The following ANO1 variants were observed in gnomAD, a reference collection of about 807,000 sequenced individuals.
The protein encoded by ANO1 is anoctamin-1.
A neutral mutation model predicts 124.0 loss-of-function variants in ANO1; 59 were observed. The observed-to-expected ratio is 0.48, with a 90% CI of 0.39 to 0.59. The LOEUF (loss-of-function observed/expected upper bound fraction) is 0.59, where lower values mean the gene tolerates loss of function less well. Among genes scored for constraint, ANO1 ranks in the 20% least tolerant of loss-of-function variants. The pLI, the probability that ANO1 is intolerant of heterozygous loss-of-function variation, is 0.00. For synonymous variants in ANO1, 529 were observed against 532.0 expected, an observed-to-expected ratio of 0.99 and a Z score of 0.08; for missense variants, 1,059 against 1,328.0, an observed-to-expected ratio of 0.80 and a Z score of 3.15.
intron 1 of ANO1, among the ~76,000 whole-genome samples, chr11:70,004,967 G>T (rs1198233632): frequency 6.6e-6 from 1 of 152,130 alleles, no homozygotes; most frequent in African/African-American, 2.4e-5. Flanking sequence ...ACAAAAATTA[G>T]CCAGGTGTGG....
At chr11:70,131,203 T>C (rs1565231941) in intron 10 of ANO1, among the ~76,000 whole-genome samples, 2 of 152,192 alleles carry the variant, frequency 1.3e-5, no homozygotes, top group South Asian at 2.1e-4. Flanking sequence ...AGGGCCCATC[T>C]ACCACAAAGC....
chr11:69,992,075 T>C (rs1554997598), intron 1 of ANO1, among the ~76,000 whole-genome samples: 1 of 152,170 alleles, frequency 6.6e-6, no homozygotes, highest in African/African-American at 2.4e-5. Flanking sequence ...CTCGTTCATT[T>C]CTCTAGCCCT....
At position 70,187,889 on chromosome 11, in the gene ANO1, T is replaced by C; in HGVS notation, c.2846T>C (p.Met949Thr). ...QDKQQLLETW[M>T]EKERQKDEPP... The stretch of plus-strand genomic sequence containing the variant: ...AAGCAGCAGCTGCTGGAAACCTGGA[T>C]GGAGAAGGAGCGGCAGAAGGACGAG... Residue 949 changes from methionine to threonine, a missense_variant, in exon 26 of 26, where the codon ATG becomes ACG. Met to Thr is a moderately conservative substitution (Grantham distance 81, BLOSUM62 -1). This residue lies in a region of ANO1 where 809 missense variants were observed against 1,094.9 expected (regional missense o/e 0.74). Transcript: ENST00000355303. The C allele has an allele frequency of 6.2e-7, 1 of 1,602,614 alleles. No homozygotes were observed. The highest frequency in any genetic ancestry group is 8.5e-7 in the Non-Finnish European group (1 of 1,175,162).
At chr11:70,043,508 G>A (rs1857212274) in intron 1 of ANO1, among the ~76,000 whole-genome samples, 1 of 152,048 alleles carries the variant, frequency 6.6e-6, no homozygotes, top group Non-Finnish European at 1.5e-5. Context: ...GAAGAAACAT[G>A]AAGAAAACAC....
intron 1 of ANO1, among the ~76,000 whole-genome samples, chr11:70,033,258 C>A (rs1555004010): frequency 6.6e-6 from 1 of 152,148 alleles, no homozygotes; most frequent in Non-Finnish European, 1.5e-5. Context: ...GAAATGAAGT[C>A]ATTTTCCCAA....
chr11:70,066,748 C>T (rs1158855677), intron 1 of ANO1, among the ~76,000 whole-genome samples: 8 of 152,124 alleles, frequency 5.3e-5, no homozygotes, highest in African/African-American at 1.9e-4. Context: ...CCAGCTCCAT[C>T]ACCGTAACTC....
intron 11 of ANO1, 60 bp from the exon 12 acceptor site, chr11:70,149,650 A>G (rs1167420654): frequency 3.3e-5 from 6 of 180,106 alleles, no homozygotes; most frequent in South Asian, 2.7e-4. Context: ...AACTCTGTCT[A>G]AAAAAAAAAA....
chr11:70,186,351 G>A (rs1565291189), intron 25 of ANO1, among the ~76,000 whole-genome samples: 1 of 140,304 alleles, frequency 7.1e-6, no homozygotes. Flanking sequence ...GGAGGGGGAG[G>A]GAGGAAGGAA....
At position 70,187,933 on chromosome 11, in the gene ANO1, A is replaced by AAC; in HGVS notation, c.2893_2894dup (p.Lys966ProfsTer36). ...GGACGAGCCGCCGTGCAACCACCAC[A>AAC]ACACCAAAGCCTGCCCAGACAGCCT... On this transcript the variant is annotated frameshift_variant, in exon 26 of 26. Coordinates refer to ENST00000355303, the MANE Select transcript of ANO1 (RefSeq NM_018043.7). LOFTEE classifies it low-confidence loss of function (END_TRUNC). 1 of 1,584,064 alleles carries AAC rather than the reference A, an allele frequency of 6.3e-7. No homozygotes were observed. Among genetic ancestry groups the AAC allele is most frequent in the Non-Finnish European group, 8.6e-7 (1 of 1,166,120 alleles).
upstream of ANO1, chr11:70,078,313 G>C (rs1028926063): frequency 1.3e-5 from 2 of 151,390 alleles, no homozygotes; most frequent in Non-Finnish European, 3.0e-5. Flanking sequence ...AAGGCGGGCC[G>C]GCTGGCGTCC....
upstream of ANO1, among the ~76,000 whole-genome samples, chr11:70,077,239 G>A (rs183385978): frequency 2.8e-3 from 424 of 152,332 alleles, no homozygotes; most frequent in Non-Finnish European, 4.5e-3. Flanking sequence ...AAATGAGACG[G>A]AATAAATGAA....
rs1428484542 is a variant in ANO1 at position 70,103,263 on chromosome 11, AT to A, written c.540+100del. 6.2e-6 allele frequency: 6 copies of A among 968,502 alleles called. No individual in the cohort carries two copies. In the East Asian group the frequency reaches 1.6e-4, roughly 26 times the overall value. The allele number at this position is 968,502 out of a possible 1,614,324, so 60.0% of individuals were successfully genotyped here. On this transcript the variant is annotated intron_variant, in intron 3 of 25. Transcript: ENST00000355303. ...TGCCGACCTCGAGGCCCTGAGTTTT[AT>A]AAAAAAAAAACCCAGTGGGCTTCAC...
chr11:70,000,304 G>A (rs1356821416), intron 1 of ANO1, among the ~76,000 whole-genome samples: 4 of 104,080 alleles, frequency 3.8e-5, no homozygotes, highest in Non-Finnish European at 8.1e-5. Flanking sequence ...GCTTGTTAGT[G>A]AAAGATAGAG....
rs1379258680 is a variant in ANO1, at chr11:70,137,836, AC to A, written c.1258+5758del. Among the ~76,000 whole-genome samples the A allele has an allele frequency of 3.4e-5, 5 of 147,726 alleles. 1 individual carries two copies. Among genetic ancestry groups the A allele is most frequent in the Non-Finnish European group, 7.5e-5 (5 of 66,274 alleles). On this transcript the variant is annotated intron_variant, in intron 11 of 25. Coordinates refer to ENST00000355303, the MANE Select transcript of ANO1 (RefSeq NM_018043.7). ...GTCCCACCCCACAGGGTTGCTGGGA[AC>A]ATGGAAGGAGTCACTGCATGCAAAG...
intron 1 of ANO1, among the ~76,000 whole-genome samples, chr11:70,060,606 G>A (rs1374766916): frequency 6.6e-6 from 1 of 152,190 alleles, no homozygotes; most frequent in Non-Finnish European, 1.5e-5. Flanking sequence ...AATGTGAAAG[G>A]TGTGAGGAGG....
At position 70,095,669 on chromosome 11, in the gene ANO1, G is replaced by T. The variant is rs991515203; in HGVS notation, c.442-7397G>T. Among the ~76,000 whole-genome samples, 7 of 152,206 alleles carry T rather than the reference G, an allele frequency of 4.6e-5. No homozygotes were observed. In the East Asian group the frequency reaches 1.4e-3, roughly 29 times the overall value. On this transcript the variant is annotated intron_variant, in intron 2 of 25. Transcript: ENST00000355303. ...GCTGGTTGTTACCCGTTGCTGGCTTGAAATAGGCCACGGTGGGGTATTTAC... is the reference window on the plus strand; with the variant it reads ...GCTGGTTGTTACCCGTTGCTGGCTTTAAATAGGCCACGGTGGGGTATTTAC...
chr11:69,972,947 T>C, the ANO1 span, among the ~76,000 whole-genome samples: 1 of 151,680 alleles, frequency 6.6e-6, no homozygotes, highest in East Asian at 1.9e-4. Context: ...TTCGCTCTTG[T>C]TGCCCAGGCT....
intron 17 of ANO1, 101 bp downstream of exon 17, chr11:70,161,463 CCCCA>C: frequency 7.0e-7 from 1 of 1,434,684 alleles, no homozygotes. Flanking sequence ...CTTCTCTGGG[CCCCA>C]GCTCCCTGGT....
intron 1 of ANO1, among the ~76,000 whole-genome samples, chr11:70,051,433 T>C (rs1857348590): frequency 1.3e-5 from 2 of 152,240 alleles, no homozygotes; most frequent in South Asian, 4.1e-4. Context: ...GACAAGCTTG[T>C]TTCCCTTCAG....
Sources: gnomAD v4.1 joint callset for allele counts (sites outside exome capture counted in the v4.1 genomes callset) on GRCh38, gnomAD v4.1.1 for gene constraint, gnomAD v4.1.1 regional missense constraint, MANE v1.5 for transcripts, NCBI Gene and HGNC (gene_info 2026-07-23, HGNC 2026-07-21) for gene names.